The following PCBP3 variants were observed in gnomAD, a reference collection of about 807,000 sequenced individuals.
PCBP3 encodes the protein poly(rC)-binding protein 3.
PCBP3 carries 25 observed loss-of-function variants against 52.7 expected under a neutral mutation model. The ratio of observed to expected loss-of-function variants is 0.47; its 90% confidence interval spans 0.35 to 0.66. The LOEUF (loss-of-function observed/expected upper bound fraction) is 0.66, where lower values mean the gene tolerates loss of function less well. PCBP3 is among the 30% of genes least tolerant of loss of function. PCBP3 has a pLI of 0.01. For missense variants in PCBP3, 391 were observed against 490.3 expected (o/e 0.80, Z 1.91); for synonymous variants, 162 against 183.0 (o/e 0.89, Z 0.93).
At chr21:45,719,441 T>C (rs908211235) in intron 2 of PCBP3, among the ~76,000 whole-genome samples, 1 of 152,178 alleles carries the variant, frequency 6.6e-6, no homozygotes, top group Non-Finnish European at 1.5e-5. Context: ...CATACTGATA[T>C]GGTTAGGCTT....
intron 10 of PCBP3, among the ~76,000 whole-genome samples, chr21:45,910,058 G>T (rs1480945173): frequency 8.2e-3 from 8 of 980 alleles, no homozygotes; most frequent in Admixed American, 0.031. Context: ...CCCCACCACT[G>T]CCCAGATACG....
chr21:45,749,363 G>A (rs1441476763), intron 3 of PCBP3: 1 of 152,070 alleles, frequency 6.6e-6, no homozygotes, highest in Non-Finnish European at 1.5e-5. Context: ...GTCACACTGC[G>A]TCTTTTCTTT....
intron 4 of PCBP3, among the ~76,000 whole-genome samples, chr21:45,823,006 TC>T (rs898496964): frequency 9.9e-5 from 15 of 152,130 alleles, no homozygotes; most frequent in Non-Finnish European, 2.2e-4. Flanking sequence ...GGTAAGGTCT[TC>T]CCCCTCCATG....
chr21:45,809,609 T>A (rs2092619929), intron 4 of PCBP3, among the ~76,000 whole-genome samples: 1 of 152,182 alleles, frequency 6.6e-6, no homozygotes, highest in East Asian at 1.9e-4. Flanking sequence ...TTGACTCTCC[T>A]AAAAGGAGCT....
intron 4 of PCBP3, among the ~76,000 whole-genome samples, chr21:45,794,928 C>CAA (rs35538325): frequency 2.6e-3 from 249 of 95,826 alleles, no homozygotes; most frequent in African/African-American, 9.3e-3. Flanking sequence ...GACTCTGTCT[C>CAA]AAAAAAAAAA....
In PCBP3 at chr21:45,917,659, T is replaced by A. The variant is rs752794251; in HGVS notation, c.717+30T>A. On this transcript the variant is annotated intron_variant, in intron 13 of 17. Coordinates refer to ENST00000681687, the MANE Select transcript of PCBP3 (RefSeq NM_001384156.1). This position sits in a 1 kb window ranked among gnomAD's most constrained non-coding sequence, Gnocchi z 5.3. ...GTCTTCACTTTGTCTTCCTCTCACC[T>A]TTCTCTTCTCATGGTTGTTTACCTA... The A allele has an allele frequency of 6.4e-7, 1 of 1,573,330 alleles. No individual in the cohort carries two copies. The highest frequency in any genetic ancestry group is 1.3e-5 in the African/African-American group (1 of 74,168).
chr21:45,892,127 G>C (rs2095679910), intron 5 of PCBP3, among the ~76,000 whole-genome samples: 1 of 152,226 alleles, frequency 6.6e-6, no homozygotes, highest in Non-Finnish European at 1.5e-5. Context: ...GCAGGCAGAG[G>C]CGGAGGCTTT....
intron 4 of PCBP3, among the ~76,000 whole-genome samples, chr21:45,797,279 G>A (rs1005597231): frequency 2.7e-5 from 4 of 150,882 alleles, no homozygotes; most frequent in African/African-American, 9.7e-5. Flanking sequence ...ACGAATGCAT[G>A]GATCCACAGA....
intron 13 of PCBP3, among the ~76,000 whole-genome samples, chr21:45,925,139 G>A (rs77298678): frequency 0.24 from 5,543 of 23,052 alleles, 1,905 homozygotes; most frequent in African/African-American, 0.52. Flanking sequence ...TCGGGTGTGC[G>A]TGAGGAGATG....
chr21:45,835,898 G>A (rs115921314), intron 4 of PCBP3, among the ~76,000 whole-genome samples: 2,825 of 152,312 alleles, frequency 0.019, 85 homozygotes, highest in African/African-American at 0.064. Context: ...AGGGGAACAG[G>A]CCCCAGGCCT....
chr21:45,736,868 G>T lies in PCBP3; in HGVS notation c.-162+1439G>T, dbSNP rs1603352556. ...TGAGTTCATCCTGTGGCATGTCAGG[G>T]GGTGACAGTGGCTGTGGAGGAAACA... On this transcript the variant is annotated intron_variant, in intron 3 of 17. Transcript: ENST00000681687. This position sits in a 1 kb window ranked among gnomAD's most constrained non-coding sequence, Gnocchi z 4.6. 1.3e-5 allele frequency among the ~76,000 whole-genome samples: 2 copies of T among 152,106 alleles called. No individual in the cohort carries two copies. Among genetic ancestry groups the T allele is most frequent in the Admixed American group, 1.3e-4 (2 of 15,276 alleles).
At chr21:45,852,141 A>T (rs1305108704) in intron 5 of PCBP3, among the ~76,000 whole-genome samples, 1 of 152,274 alleles carries the variant, frequency 6.6e-6, no homozygotes, top group Non-Finnish European at 1.5e-5. Flanking sequence ...AGTGATGGAT[A>T]TGCTAATTTC....
intron 6 of PCBP3, among the ~76,000 whole-genome samples, chr21:45,898,286 C>G (rs2095883635): frequency 6.7e-6 from 1 of 148,474 alleles, no homozygotes; most frequent in African/African-American, 2.5e-5. Context: ...CCTCCACGGG[C>G]CCCTCTGCAC....
intron 5 of PCBP3, among the ~76,000 whole-genome samples, chr21:45,892,579 A>G (rs2095705257): frequency 6.6e-6 from 1 of 151,974 alleles, no homozygotes; most frequent in African/African-American, 2.4e-5. Flanking sequence ...GAGGAGGGGA[A>G]GCAGGCATGG....
At chr21:45,723,333 C>G (rs1187952080) in intron 2 of PCBP3, among the ~76,000 whole-genome samples, 1 of 152,182 alleles carries the variant, frequency 6.6e-6, no homozygotes, top group Non-Finnish European at 1.5e-5. Flanking sequence ...GGGCAGTTGT[C>G]TAGAGAGTCT....
intron 4 of PCBP3, among the ~76,000 whole-genome samples, chr21:45,804,995 G>A (rs905957286): frequency 7.9e-5 from 12 of 152,192 alleles, no homozygotes; most frequent in Admixed American, 5.2e-4. Flanking sequence ...TGTCAGTGAC[G>A]TAGATAAAGG....
intron 3 of PCBP3, among the ~76,000 whole-genome samples, chr21:45,739,026 A>T (rs1603355901): frequency 2.1e-5 from 1 of 48,216 alleles, no homozygotes; most frequent in Non-Finnish European, 3.7e-5. Context: ...TGGCCCCACC[A>T]TCTTCATCAG....
chr21:45,936,783 C>T (rs897717869), intron 16 of PCBP3, among the ~76,000 whole-genome samples: 1 of 152,210 alleles, frequency 6.6e-6, no homozygotes, highest in Non-Finnish European at 1.5e-5. Context: ...AATGAGACAT[C>T]TTTGGAGAGT....
intron 2 of PCBP3, among the ~76,000 whole-genome samples, chr21:45,721,814 A>G (rs80255259): frequency 0.012 from 1,767 of 152,214 alleles, 50 homozygotes; most frequent in African/African-American, 0.04. Flanking sequence ...TTGTTCTTTG[A>G]CGATCTCATC....
Sources: gnomAD v4.1 joint callset for allele counts (sites outside exome capture counted in the v4.1 genomes callset) on GRCh38, gnomAD v4.1.1 for gene constraint, Gnocchi (gnomAD v3.1) non-coding constraint, MANE v1.5 for transcripts, NCBI Gene and HGNC (gene_info 2026-07-23, HGNC 2026-07-21) for gene names.